DACH1: variants seen among roughly 807,000 people sequenced by gnomAD.
The protein encoded by DACH1 is dachshund homolog 1.
A neutral mutation model predicts 54.2 loss-of-function variants in DACH1; 12 were observed. That is an observed-to-expected ratio of 0.22 (90% CI 0.14 to 0.36). The LOEUF is 0.36. DACH1 is among the 10% of genes least tolerant of loss of function. The pLI is 1.00. For synonymous variants in DACH1, 386 were observed against 366.2 expected (o/e 1.05, Z -0.62); for missense variants, 805 against 929.8 (o/e 0.87, Z 1.75).
At chr13:71,856,687 G>T (rs767542331) in intron 1 of DACH1, among the ~76,000 whole-genome samples, 1 of 151,770 alleles carries the variant, frequency 6.6e-6, no homozygotes, top group Non-Finnish European at 1.5e-5. Flanking sequence ...TTTTATAAGC[G>T]TCTTTCTATG....
intron 1 of DACH1, among the ~76,000 whole-genome samples, chr13:71,750,641 C>A (rs1884882215): frequency 6.6e-6 from 1 of 152,166 alleles, no homozygotes; most frequent in Non-Finnish European, 1.5e-5. Context: ...ATTGTCCTCA[C>A]TACCATGCAT....
rs543540922 is a variant in DACH1 at position 71,604,953 on chromosome 13, T to C, written c.1126+25603A>G. ...CCGAAACACTTCTCTTGGTCTCAGT[T>C]GTTTTTATTCCCCCATTGACAAAGT... On this transcript the variant is annotated intron_variant, in intron 3 of 10. Transcript: ENST00000613252. Among the ~76,000 whole-genome samples, 5 of 151,854 alleles carry C rather than the reference T, an allele frequency of 3.3e-5. No homozygotes were observed. In the East Asian group the frequency reaches 9.7e-4, roughly 29 times the overall value.
intron 1 of DACH1, among the ~76,000 whole-genome samples, chr13:71,846,729 T>C (rs1215558888): frequency 1.3e-5 from 2 of 152,242 alleles, no homozygotes; most frequent in Non-Finnish European, 1.5e-5. Flanking sequence ...TCTTGGGTTC[T>C]ATTACCTCTA....
chr13:71,864,364 C>A (rs988088192), intron 1 of DACH1, among the ~76,000 whole-genome samples: 2 of 152,146 alleles, frequency 1.3e-5, no homozygotes, highest in Non-Finnish European at 1.5e-5. Flanking sequence ...CGTTTCACAG[C>A]CTTCCCGGGC....
At chr13:71,582,145 A>G (rs1374837770) in intron 3 of DACH1, among the ~76,000 whole-genome samples, 2 of 152,186 alleles carry the variant, frequency 1.3e-5, no homozygotes, top group East Asian at 3.8e-4. Flanking sequence ...TCTCAAATAA[A>G]CCAAATTGCA....
rs1365123239 is a variant in DACH1, at chr13:71,720,522, T to C, written c.849-38612A>G. Among the ~76,000 whole-genome samples, 12 of 152,210 alleles carry C rather than the reference T, an allele frequency of 7.9e-5. 1 individual carries two copies. The highest frequency in any genetic ancestry group is 2.9e-4 in the African/African-American group (12 of 41,464). ...ATGTGTTTGACTAACTAAATTAAAA[T>C]GTAATATAAATGAAAACCATTCATT... On this transcript the variant is annotated intron_variant, in intron 1 of 10. Coordinates refer to ENST00000613252, the MANE Select transcript of DACH1 (RefSeq NM_080759.6).
chr13:71,866,793 C>T lies in DACH1; in HGVS notation c.-24G>A, dbSNP rs1874854101. The T allele has an allele frequency of 3.1e-6, 4 of 1,308,970 alleles. No homozygotes were observed. The highest frequency in any genetic ancestry group is 3.9e-6 in the Non-Finnish European group (4 of 1,022,488). 81.1% of individuals were successfully genotyped at this position (1,308,970 alleles called of 1,614,324 possible). On this transcript the variant is annotated 5_prime_UTR_variant, in exon 1 of 11. Transcript: ENST00000613252. ...ATGGTCACATATAAGGGGAAACAGA[C>T]GGAGGAGAAGCGAGAGGAAAAGTTG...
At chr13:71,640,019 T>C (rs192581202) in intron 2 of DACH1, among the ~76,000 whole-genome samples, 110 of 152,174 alleles carry the variant, frequency 7.2e-4, no homozygotes, top group African/African-American at 2.6e-3. Flanking sequence ...ATTTTACTGA[T>C]GATTAAATTT....
chr13:71,626,856 G>T (rs908061501), intron 3 of DACH1, among the ~76,000 whole-genome samples: 1 of 152,068 alleles, frequency 6.6e-6, no homozygotes, highest in African/African-American at 2.4e-5. Flanking sequence ...GTAAGCAGGA[G>T]ATTTGTCCAT....
At position 71,583,888 on chromosome 13, in the gene DACH1, G is replaced by A. The variant is rs76645970; in HGVS notation, c.1127-10876C>T. Among the ~76,000 whole-genome samples the A allele has an allele frequency of 7.6e-3, 1,155 of 152,100 alleles. 15 individuals are homozygous for A. Among genetic ancestry groups the A allele is most frequent in the African/African-American group, 0.025 (1,033 of 41,506 alleles). On this transcript the variant is annotated intron_variant, in intron 3 of 10. Coordinates refer to ENST00000613252, the MANE Select transcript of DACH1 (RefSeq NM_080759.6). ...GGGGGCCTTTAATTAACAATGAATCGTTATCTGATTCTAAAAAATATTCTC... is the reference window on the plus strand; with the variant it reads ...GGGGGCCTTTAATTAACAATGAATCATTATCTGATTCTAAAAAATATTCTC...
At chr13:71,718,897 T>C (rs1421272522) in intron 1 of DACH1, among the ~76,000 whole-genome samples, 1 of 152,206 alleles carries the variant, frequency 6.6e-6, no homozygotes, top group Non-Finnish European at 1.5e-5. Flanking sequence ...CTATCAACAT[T>C]CCCATTTATA....
intron 1 of DACH1, among the ~76,000 whole-genome samples, chr13:71,786,710 T>C (rs1029121248): frequency 6.6e-6 from 1 of 152,160 alleles, no homozygotes; most frequent in Non-Finnish European, 1.5e-5. Flanking sequence ...CTTTTTGCCC[T>C]GAGGACTGAG....
chr13:71,677,422 C>G (rs1238846942), intron 2 of DACH1, among the ~76,000 whole-genome samples: 1 of 152,106 alleles, frequency 6.6e-6, no homozygotes, highest in Non-Finnish European at 1.5e-5. Context: ...TGCCCACACC[C>G]CTTCTAAGGT....
intron 1 of DACH1, among the ~76,000 whole-genome samples, chr13:71,783,841 T>C (rs374482347): frequency 7.3e-6 from 1 of 137,078 alleles, no homozygotes; most frequent in Non-Finnish European, 1.6e-5. Flanking sequence ...TGATTTAAGG[T>C]TTTTTTTTTG....
chr13:71,808,412 C>A lies in DACH1; in HGVS notation c.848+57510G>T, dbSNP rs1289222253. Among the ~76,000 whole-genome samples, 4 of 152,194 alleles carry A rather than the reference C, an allele frequency of 2.6e-5. No homozygotes were observed. The East Asian group carries it at 7.7e-4, about 29-fold the overall frequency. ...ATCTGTCTGCAGAATTTCTACTACA[C>A]TTTTGCTATGATCAAAGCTCTAAAC... is the stretch of plus-strand genomic sequence containing the variant. On this transcript the variant is annotated intron_variant, in intron 1 of 10. Transcript: ENST00000613252.
intron 1 of DACH1, among the ~76,000 whole-genome samples, chr13:71,762,624 G>T (rs183133031): frequency 1.0e-3 from 158 of 151,532 alleles, no homozygotes; most frequent in Middle Eastern, 0.01. Context: ...AAATTTACCC[G>T]GGCATGGTGG....
chr13:71,630,857 T>TG, intron 2 of DACH1, 140 bp from the exon 3 acceptor site: 2 of 968,274 alleles, frequency 2.1e-6, no homozygotes, highest in Admixed American at 3.7e-5. Context: ...CTTATACTCA[T>TG]TCCCAACTAG....
At chr13:71,712,944 T>C (rs929851068) in intron 1 of DACH1, among the ~76,000 whole-genome samples, 1 of 152,168 alleles carries the variant, frequency 6.6e-6, no homozygotes, top group Non-Finnish European at 1.5e-5. Context: ...GATAATAGAA[T>C]AAACTTTGGC....
At chr13:71,813,813 A>G (rs151248576) in intron 1 of DACH1, among the ~76,000 whole-genome samples, 27 of 152,262 alleles carry the variant, frequency 1.8e-4, no homozygotes, top group African/African-American at 6.3e-4. Flanking sequence ...TTTTAGAGTT[A>G]GAAAAAAAAT....
Sources: allele counts gnomAD v4.1 joint callset (sites outside exome capture counted in the v4.1 genomes callset), GRCh38; gene constraint gnomAD v4.1.1; transcripts MANE v1.5; gene names NCBI Gene and HGNC (gene_info 2026-07-23, HGNC 2026-07-21).